FRMD5: variants seen among roughly 807,000 people sequenced by gnomAD.
FRMD5 encodes the protein FERM domain containing 5.
A neutral mutation model predicts 69.0 loss-of-function variants in FRMD5; 20 were observed. That is an observed-to-expected ratio of 0.29 (90% CI 0.20 to 0.42). FRMD5 has a LOEUF of 0.42. Among genes scored for constraint, FRMD5 ranks in the 10% least tolerant of loss-of-function variants. The pLI, the probability that FRMD5 is intolerant of heterozygous loss-of-function variation, is 1.00. For synonymous variants in FRMD5, 271 were observed against 260.1 expected, an observed-to-expected ratio of 1.04 and a Z score of -0.40; for missense variants, 595 against 708.6, an observed-to-expected ratio of 0.84 and a Z score of 1.82.
chr15:43,963,841 G>A (rs995867339), intron 1 of FRMD5, among the ~76,000 whole-genome samples: 2 of 152,076 alleles, frequency 1.3e-5, no homozygotes, highest in Non-Finnish European at 2.9e-5. Context: ...TCACTCACAG[G>A]TGGGAATTGA....
intron 6 of FRMD5, among the ~76,000 whole-genome samples, chr15:43,902,689 C>CAA (rs5812254): frequency 0.07 from 7,917 of 112,636 alleles, 324 homozygotes; most frequent in East Asian, 0.11. Flanking sequence ...GACCCTGTCT[C>CAA]AAAAAAAAAA....
chr15:43,881,569 T>C (rs1343776579), intron 13 of FRMD5, among the ~76,000 whole-genome samples: 1 of 152,206 alleles, frequency 6.6e-6, no homozygotes, highest in East Asian at 1.9e-4. Flanking sequence ...AGAAAGTGCA[T>C]GGCAGAGCTC....
chr15:44,149,970 T>A (rs1421845768), intron 1 of FRMD5, among the ~76,000 whole-genome samples: 1 of 152,160 alleles, frequency 6.6e-6, no homozygotes, highest in Non-Finnish European at 1.5e-5. Flanking sequence ...CATAACCAAG[T>A]TAGATTTTTT....
intron 1 of FRMD5, among the ~76,000 whole-genome samples, chr15:44,068,078 T>TA (rs1266198520): frequency 3.3e-5 from 5 of 152,034 alleles, no homozygotes; most frequent in African/African-American, 1.2e-4. Context: ...CAAATGGACA[T>TA]AATAAAAAAT....
At chr15:43,922,687 AAAGAC>A (rs2089516204) in intron 2 of FRMD5, among the ~76,000 whole-genome samples, 1 of 138,692 alleles carries the variant, frequency 7.2e-6, no homozygotes, top group Non-Finnish European at 1.5e-5. Flanking sequence ...TTTTTTTTTT[AAAGAC>A]AAGAGTCTTG....
chr15:43,919,210 T>G (rs1353218153), intron 4 of FRMD5: 1 of 636,838 alleles, frequency 1.6e-6, no homozygotes, highest in Admixed American at 2.1e-5. Context: ...CAGAGCCCTT[T>G]GAGAGTGACC....
At chr15:44,150,692 G>A (rs1255170793) in intron 1 of FRMD5, among the ~76,000 whole-genome samples, 1 of 151,224 alleles carries the variant, frequency 6.6e-6, no homozygotes. Flanking sequence ...TACTCAGGAA[G>A]ATGAAGCAGG....
At chr15:43,891,844 G>T in intron 8 of FRMD5, 137 bp downstream of exon 8, 1 of 691,348 alleles carries the variant, frequency 1.4e-6, no homozygotes, top group South Asian at 1.7e-5. Context: ...CCCTTCGTCA[G>T]TTACCACCAT....
At chr15:43,969,848 G>T (rs1336560671) in intron 1 of FRMD5, among the ~76,000 whole-genome samples, 2 of 152,158 alleles carry the variant, frequency 1.3e-5, no homozygotes, top group Admixed American at 1.3e-4. Flanking sequence ...CTGGAGGTAA[G>T]AACTATACTG....
intron 1 of FRMD5, among the ~76,000 whole-genome samples, chr15:44,033,979 T>C (rs565177664): frequency 6.6e-6 from 1 of 152,328 alleles, no homozygotes; most frequent in East Asian, 1.9e-4. Flanking sequence ...AATTTTCCCA[T>C]GAAGCATTTA....
chr15:43,916,541 G>A (rs990803363), intron 4 of FRMD5, among the ~76,000 whole-genome samples: 1 of 152,142 alleles, frequency 6.6e-6, no homozygotes, highest in African/African-American at 2.4e-5. Context: ...AAGAGGCCGG[G>A]ATAGTGGTTA....
At chr15:43,963,531 A>G (rs1248009679) in intron 1 of FRMD5, among the ~76,000 whole-genome samples, 1 of 152,214 alleles carries the variant, frequency 6.6e-6, no homozygotes, top group Non-Finnish European at 1.5e-5. Context: ...TAGAAATACC[A>G]TTTGACCCAG....
At chr15:43,923,029 C>G (rs533394736) in intron 2 of FRMD5, among the ~76,000 whole-genome samples, 1 of 152,326 alleles carries the variant, frequency 6.6e-6, no homozygotes, top group East Asian at 1.9e-4. Context: ...CATTACCTCT[C>G]TACTTTGGTG....
Position 43,883,829 on chromosome 15 carries a change from A to T in FRMD5, c.1029-20T>A. 1 of 1,588,368 alleles carries T rather than the reference A, an allele frequency of 6.3e-7. No individual in the cohort carries two copies. On this transcript the variant is annotated intron_variant, in intron 12 of 13. Coordinates refer to ENST00000417257, the MANE Select transcript of FRMD5 (RefSeq NM_032892.5). ...CCTGCTCTGAGGTTAAAGAAAAAGAACCTTGTTAATTCAGTGCATGGACAC... is the reference window on the plus strand; with the variant it reads ...CCTGCTCTGAGGTTAAAGAAAAAGATCCTTGTTAATTCAGTGCATGGACAC...
At chr15:43,940,125 C>A (rs1190914808) in intron 1 of FRMD5, among the ~76,000 whole-genome samples, 1 of 152,114 alleles carries the variant, frequency 6.6e-6, no homozygotes, top group Non-Finnish European at 1.5e-5. Context: ...TGCGGTGAAC[C>A]CAGATGGAGC....
At position 44,160,891 on chromosome 15, in the gene FRMD5, T is replaced by C. The variant is rs548532694; in HGVS notation, c.102+34062A>G. Among the ~76,000 whole-genome samples the C allele has an allele frequency of 2.0e-5, 3 of 152,318 alleles. No individual in the cohort carries two copies. The South Asian group carries it at 6.2e-4, about 32-fold the overall frequency. ...GCTAAAAGAATGCATAGCAACTTAC[T>C]AGCCCTTTCATAAGAAGGAAGTAAA... On this transcript the variant is annotated intron_variant, in intron 1 of 13. Coordinates refer to ENST00000417257, the MANE Select transcript of FRMD5 (RefSeq NM_032892.5).
intron 1 of FRMD5, among the ~76,000 whole-genome samples, chr15:44,002,579 G>C (rs1890259300): frequency 6.6e-6 from 1 of 152,080 alleles, no homozygotes; most frequent in African/African-American, 2.4e-5. Context: ...GTCCGCGTGA[G>C]AGGCTCATGA....
chr15:44,057,447 C>T (rs1892919730), intron 1 of FRMD5, among the ~76,000 whole-genome samples: 3 of 152,198 alleles, frequency 2.0e-5, no homozygotes, highest in Non-Finnish European at 4.4e-5. Context: ...TGCACATGGT[C>T]AAGCATATGT....
intron 1 of FRMD5, among the ~76,000 whole-genome samples, chr15:44,160,808 T>C (rs1234943612): frequency 6.6e-6 from 1 of 152,246 alleles, no homozygotes; most frequent in Non-Finnish European, 1.5e-5. Flanking sequence ...GATGATTCCT[T>C]GTCTATAAAA....
Sources: allele counts gnomAD v4.1 joint callset (sites outside exome capture counted in the v4.1 genomes callset), GRCh38; gene constraint gnomAD v4.1.1; transcripts MANE v1.5; gene names NCBI Gene and HGNC (gene_info 2026-07-23, HGNC 2026-07-21).